Variants in TET3 observed in about 807,000 individuals in gnomAD.
TET3 encodes the protein methylcytosine dioxygenase TET3.
A neutral mutation model predicts 141.4 loss-of-function variants in TET3; 19 were observed. The observed-to-expected ratio is 0.13, with a 90% CI of 0.09 to 0.20. The LOEUF is 0.20. Ranked by LOEUF, TET3 falls within the 10% of genes least tolerant of loss-of-function variation. The probability of loss-of-function intolerance (pLI) is 1.00; values close to 1 mark genes in which losing one functional copy is unlikely to be tolerated. For synonymous variants in TET3, 1,043 were observed against 980.9 expected, an observed-to-expected ratio of 1.06 and a Z score of -1.18; for missense variants, 1,874 against 2,356.9, an observed-to-expected ratio of 0.80 and a Z score of 4.24.
intron 4 of TET3, among the ~76,000 whole-genome samples, chr2:74,060,979 T>G (rs1415671668): frequency 1.3e-5 from 2 of 152,160 alleles, no homozygotes; most frequent in Non-Finnish European, 2.9e-5. Context: ...CCCCTTTCTA[T>G]TCCACAAAAC....
At chr2:74,126,339 T>A in the TET3 span, among the ~76,000 whole-genome samples, 5,324 of 152,028 alleles carry the variant, frequency 0.035, 310 homozygotes, top group African/African-American at 0.12. Flanking sequence ...CAGGCAGAGG[T>A]TTTTTGGCAT....
intron 4 of TET3, among the ~76,000 whole-genome samples, chr2:74,056,535 AGG>A (rs869286136): frequency 6.6e-6 from 1 of 152,002 alleles, no homozygotes; most frequent in African/African-American, 2.4e-5. Flanking sequence ...TATTTTAGAA[AGG>A]GGGGGAAAAA....
intron 3 of TET3, among the ~76,000 whole-genome samples, chr2:74,030,986 G>T (rs189025646): frequency 1.1e-4 from 16 of 152,248 alleles, no homozygotes; most frequent in East Asian, 9.6e-4. Flanking sequence ...GGATGTCCGG[G>T]GGGGAGTTGC....
At chr2:73,989,728 A>G (rs184629588) in intron 2 of TET3, among the ~76,000 whole-genome samples, 54 of 152,102 alleles carry the variant, frequency 3.6e-4, no homozygotes, top group Non-Finnish European at 7.1e-4. Context: ...AAGACTTTAG[A>G]GGAGGTTGTT....
At chr2:74,016,638 C>T (rs1685742197) in intron 3 of TET3, among the ~76,000 whole-genome samples, 1 of 152,082 alleles carries the variant, frequency 6.6e-6, no homozygotes, top group South Asian at 2.1e-4. Flanking sequence ...AGGAGAATCG[C>T]TTGAGCCTGG....
At chr2:74,099,825 G>T (rs565406941) in intron 11 of TET3, among the ~76,000 whole-genome samples, 8 of 152,164 alleles carry the variant, frequency 5.3e-5, no homozygotes, top group African/African-American at 1.9e-4. Context: ...AAGTGAGCTT[G>T]GTAGAGGGGA....
At position 74,046,272 on chromosome 2, in the gene TET3, C is replaced by T; in HGVS notation, c.361-6C>T. ...TTTCCTTTTTCCCCCTTCTCTCTCT[C>T]TTTAGACAGGCTCAGAGCTCAGCCC... On this transcript the variant is annotated splice_polypyrimidine_tract_variant and splice_region_variant and intron_variant, in intron 3 of 11. Transcript: ENST00000409262. This position sits in a 1 kb window ranked among gnomAD's most constrained non-coding sequence, Gnocchi z 4.3. 6.7e-7 allele frequency: 1 copy of T among 1,498,080 alleles called. No homozygotes were observed. Among genetic ancestry groups the T allele is most frequent in the Non-Finnish European group, 8.9e-7 (1 of 1,124,424 alleles). 92.8% of individuals were successfully genotyped at this position (1,498,080 alleles called of 1,614,324 possible).
chr2:73,998,111 G>A (rs1005973957), intron 2 of TET3, among the ~76,000 whole-genome samples: 1 of 152,160 alleles, frequency 6.6e-6, no homozygotes, highest in Non-Finnish European at 1.5e-5. Context: ...GCTGGGTACC[G>A]CGTGAGAATC....
At chr2:74,132,959 G>A in the TET3 span, among the ~76,000 whole-genome samples, 3 of 151,720 alleles carry the variant, frequency 2.0e-5, no homozygotes, top group Non-Finnish European at 2.9e-5. Context: ...GTGCAGTAGC[G>A]TGATCTTGGC....
chr2:74,063,476 G>A (rs1374127549), intron 4 of TET3, among the ~76,000 whole-genome samples: 1 of 152,192 alleles, frequency 6.6e-6, no homozygotes, highest in Non-Finnish European at 1.5e-5. Context: ...ATTGCAAACT[G>A]ATGATATTCT....
At chr2:74,009,027 C>T (rs968701887) in intron 3 of TET3, among the ~76,000 whole-genome samples, 3 of 152,230 alleles carry the variant, frequency 2.0e-5, no homozygotes, top group African/African-American at 7.2e-5. Flanking sequence ...AGCTCCTGAG[C>T]TGTGAGCCCT....
rs762379971 is a variant in TET3 at position 74,047,128 on chromosome 2, C to T, written c.1211C>T (p.Pro404Leu). 6.2e-7 allele frequency: 1 copy of T among 1,613,944 alleles called. No individual in the cohort carries two copies. The highest frequency in any genetic ancestry group is 1.7e-5 in the Admixed American group (1 of 60,020). Residue 404 changes from proline to leucine, a missense_variant, in exon 4 of 12, where the codon CCC becomes CTC. Pro to Leu is a moderately conservative substitution (Grantham distance 98, BLOSUM62 -3). Coordinates refer to ENST00000409262, the MANE Select transcript of TET3 (RefSeq NM_001287491.2). ...FRSPQSYLRA[P>L]SWPVVPPEEH... ...TCTCCCCAGTCTTACCTCCGGGCTC[C>T]CTCATGGCCTGTGGTTCCTCCTGAA...
intron 4 of TET3, among the ~76,000 whole-genome samples, chr2:74,060,699 A>T (rs1291698085): frequency 6.6e-6 from 1 of 152,058 alleles, no homozygotes; most frequent in African/African-American, 2.4e-5. Context: ...GTCCCTGGGT[A>T]CTTGAGATTA....
In TET3 at chr2:74,107,011, T is replaced by C. The variant is rs1263372087; in HGVS notation, c.*4835T>C. 3 of 152,288 alleles carry C rather than the reference T, an allele frequency of 2.0e-5. No individual in the cohort carries two copies. The highest frequency in any genetic ancestry group is 4.4e-5 in the Non-Finnish European group (3 of 68,052). 9.4% of individuals were successfully genotyped at this position (152,288 alleles called of 1,614,324 possible). ...ATTGAGCTTTCTCAGTCATTGTTGC[T>C]GTCATTTGAAATGACTCCCTCAAAA... On this transcript the variant is annotated 3_prime_UTR_variant, in exon 12 of 12. Transcript: ENST00000409262.
chr2:74,107,618 G>A lies in TET3; in HGVS notation c.*5442G>A, dbSNP rs576982444. ...CCAATTAAAGAAACAAGGGCAGGTC[G>A]TATAATGGCATATTAATACATTAGA... On this transcript the variant is annotated 3_prime_UTR_variant, in exon 12 of 12. Transcript: ENST00000409262. 16 of 152,196 alleles carry A rather than the reference G, an allele frequency of 1.1e-4. No individual in the cohort carries two copies. Among genetic ancestry groups the A allele is most frequent in the South Asian group, 8.3e-4 (4 of 4,822 alleles). 9.4% of individuals were successfully genotyped at this position (152,196 alleles called of 1,614,324 possible).
chr2:74,027,166 C>T (rs1686412464), intron 3 of TET3, among the ~76,000 whole-genome samples: 1 of 152,160 alleles, frequency 6.6e-6, no homozygotes, highest in South Asian at 2.1e-4. Flanking sequence ...TGTCTCCCAA[C>T]CATTGTTTGA....
chr2:74,073,436 T>C (rs1689321963), intron 4 of TET3, 113 bp from the exon 5 acceptor site: 1 of 666,478 alleles, frequency 1.5e-6, no homozygotes, highest in Admixed American at 3.1e-5. Context: ...ATAAGCCATG[T>C]GGGTTTCCTG....
chr2:73,989,227 G>GTC (rs1684205736), intron 2 of TET3, among the ~76,000 whole-genome samples: 1 of 152,134 alleles, frequency 6.6e-6, no homozygotes, highest in African/African-American at 2.4e-5. Context: ...GAGGGAACAT[G>GTC]TCCCGGGATT....
chr2:74,047,127 C>G lies in TET3; in HGVS notation c.1210C>G (p.Pro404Ala). ...ATCTCCCCAGTCTTACCTCCGGGCT[C>G]CCTCATGGCCTGTGGTTCCTCCTGA... ...FRSPQSYLRA[P>A]SWPVVPPEEH... Residue 404 changes from proline to alanine, a missense_variant, in exon 4 of 12, where the codon CCC (proline) becomes GCC (alanine). Around this residue, in one of 10 missense-constraint regions of TET3, gnomAD observed 484 missense variants for 462.2 expected, o/e 1.05. Coordinates refer to ENST00000409262, the MANE Select transcript of TET3 (RefSeq NM_001287491.2). 1 of 1,613,932 alleles carries G rather than the reference C, an allele frequency of 6.2e-7. No individual in the cohort carries two copies. The highest frequency in any genetic ancestry group is 8.5e-7 in the Non-Finnish European group (1 of 1,179,858).
Sources: gnomAD v4.1 joint callset for allele counts (sites outside exome capture counted in the v4.1 genomes callset) on GRCh38, gnomAD v4.1.1 for gene constraint, gnomAD v4.1.1 regional missense constraint, Gnocchi (gnomAD v3.1) non-coding constraint, MANE v1.5 for transcripts, NCBI Gene and HGNC (gene_info 2026-07-23, HGNC 2026-07-21) for gene names.